SGCD: variants seen among roughly 807,000 people sequenced by gnomAD.
The protein encoded by SGCD is delta-sarcoglycan.
SGCD carries 18 observed loss-of-function variants against 36.6 expected under a neutral mutation model. The ratio of observed to expected loss-of-function variants is 0.49; its 90% CI spans 0.34 to 0.73. The LOEUF (loss-of-function observed/expected upper bound fraction) is 0.73. Among genes scored for constraint, SGCD ranks in the 30% least tolerant of loss-of-function variants. The pLI is 0.01. For synonymous variants in SGCD, 133 were observed against 130.6 expected (o/e 1.02, Z -0.12); for missense variants, 387 against 346.7 (o/e 1.12, Z -0.92).
At chr5:156,058,741 G>C (rs1760127461) in intron 1 of SGCD, among the ~76,000 whole-genome samples, 1 of 146,206 alleles carries the variant, frequency 6.8e-6, no homozygotes, top group Non-Finnish European at 1.5e-5. Flanking sequence ...TTAATGAAAA[G>C]TATATTTGTT....
At chr5:156,384,941 T>C (rs1450764996) in intron 3 of SGCD, among the ~76,000 whole-genome samples, 1 of 152,126 alleles carries the variant, frequency 6.6e-6, no homozygotes, top group Non-Finnish European at 1.5e-5. Flanking sequence ...GACTCAAGGA[T>C]GGACTCAGGC....
the SGCD span, among the ~76,000 whole-genome samples, chr5:155,804,770 T>C: frequency 2.6e-5 from 4 of 152,364 alleles, no homozygotes; most frequent in Admixed American, 2.6e-4. Context: ...GTTGTGCTTT[T>C]ATTCCTCATA....
intron 3 of SGCD, among the ~76,000 whole-genome samples, chr5:156,475,276 A>G (rs1050150927): frequency 6.6e-6 from 1 of 152,098 alleles, no homozygotes; most frequent in African/African-American, 2.4e-5. Flanking sequence ...TGCAGCCACC[A>G]TTATCCCTGA....
chr5:156,125,801 G>A (rs1762155182), intron 3 of SGCD, among the ~76,000 whole-genome samples: 1 of 149,822 alleles, frequency 6.7e-6, no homozygotes, highest in African/African-American at 2.4e-5. Flanking sequence ...CAAAATTGAT[G>A]TATAGTTGTG....
intron 7 of SGCD, among the ~76,000 whole-genome samples, chr5:156,716,805 G>A (rs1442267810): frequency 1.3e-5 from 2 of 152,142 alleles, no homozygotes; most frequent in African/African-American, 2.4e-5. Context: ...GTAAAGGACT[G>A]CTATGTCATT....
At chr5:155,954,304 G>T (rs956222745) in intron 1 of SGCD, among the ~76,000 whole-genome samples, 5 of 152,148 alleles carry the variant, frequency 3.3e-5, no homozygotes, top group Admixed American at 6.6e-5. Flanking sequence ...GCACGCTTTT[G>T]CTTCTTAGGT....
At chr5:156,233,579 G>A (rs1192705688) in intron 3 of SGCD, among the ~76,000 whole-genome samples, 3 of 152,186 alleles carry the variant, frequency 2.0e-5, no homozygotes, top group Middle Eastern at 3.2e-3. Context: ...AATCTGAGGG[G>A]GATGGGAGTT....
chr5:156,632,038 T>C (rs1173582449), intron 6 of SGCD, among the ~76,000 whole-genome samples: 1 of 152,210 alleles, frequency 6.6e-6, no homozygotes, highest in Non-Finnish European at 1.5e-5. Context: ...TATCAATCAC[T>C]GAGAAGTCTA....
intron 3 of SGCD, chr5:156,393,736 C>CAAACA (rs753189060): frequency 1.4e-4 from 63 of 456,128 alleles, no homozygotes; most frequent in South Asian, 2.2e-4. Flanking sequence ...TGTCTTACTG[C>CAAACA]AATGTTTGAC....
At chr5:155,872,440 T>C (rs572838347) in intron 1 of SGCD, among the ~76,000 whole-genome samples, 2 of 151,778 alleles carry the variant, frequency 1.3e-5, no homozygotes, top group Non-Finnish European at 2.9e-5. Context: ...GCCCCGACAT[T>C]AAATAATATT....
chr5:156,619,215 T>C (rs976866925), intron 6 of SGCD, among the ~76,000 whole-genome samples: 1 of 152,068 alleles, frequency 6.6e-6, no homozygotes, highest in Non-Finnish European at 1.5e-5. Flanking sequence ...TCAGTAGAGA[T>C]GGGGTTTCAC....
chr5:156,266,827 A>C (rs556040586), intron 3 of SGCD, among the ~76,000 whole-genome samples: 19 of 151,704 alleles, frequency 1.3e-4, no homozygotes, highest in African/African-American at 4.6e-4. Context: ...AATTGTATTA[A>C]GATGACAGAG....
intron 3 of SGCD, among the ~76,000 whole-genome samples, chr5:156,495,575 T>C (rs895811359): frequency 1.3e-5 from 2 of 152,140 alleles, no homozygotes; most frequent in African/African-American, 2.4e-5. Flanking sequence ...TGGGAGGGAT[T>C]TTCACAGTGT....
At chr5:156,286,137 C>T (rs1241987048) in intron 3 of SGCD, among the ~76,000 whole-genome samples, 8 of 152,140 alleles carry the variant, frequency 5.3e-5, no homozygotes, top group Admixed American at 5.2e-4. Flanking sequence ...CCATCTCACA[C>T]CAGTTAGAAT....
In SGCD at chr5:156,371,538, A is replaced by C. The variant is rs557967055; in HGVS notation, c.192+26861A>C. On this transcript the variant is annotated intron_variant, in intron 3 of 8. Coordinates refer to ENST00000337851, the MANE Select transcript of SGCD (RefSeq NM_000337.6). Reference sequence around the variant, plus strand: ...CAGGCAGGAGAGAAGGAGAGAAAGGACCGAGTGTCAGAAATGTGCCACCCC... The same window carrying C: ...CAGGCAGGAGAGAAGGAGAGAAAGGCCCGAGTGTCAGAAATGTGCCACCCC... Among the ~76,000 whole-genome samples the C allele has an allele frequency of 6.6e-5, 10 of 152,332 alleles. No individual in the cohort carries two copies. In the East Asian group the frequency reaches 1.9e-3, roughly 29 times the overall value.
the SGCD span, among the ~76,000 whole-genome samples, chr5:155,779,181 G>A: frequency 8.5e-5 from 13 of 152,048 alleles, no homozygotes; most frequent in African/African-American, 2.7e-4. Flanking sequence ...ATTTATCCAC[G>A]TGCAGACTCC....
chr5:156,236,024 T>C (rs182270530), intron 3 of SGCD, among the ~76,000 whole-genome samples: 3 of 152,348 alleles, frequency 2.0e-5, no homozygotes, highest in Non-Finnish European at 2.9e-5. Flanking sequence ...AAGATATGCA[T>C]ACTTGTTGAT....
chr5:156,186,709 A>C lies in SGCD; in HGVS notation c.-44+62690A>C, dbSNP rs1397494080. 6.6e-5 allele frequency among the ~76,000 whole-genome samples: 10 copies of C among 152,206 alleles called. No homozygotes were observed. In the East Asian group the frequency reaches 1.9e-3, roughly 29 times the overall value. ...ATATTCTCTGCTGTCCTGTGTCTCC[A>C]AGCTAATCTGAACTTGTCACATCTG... On this transcript the variant is annotated intron_variant, in intron 3 of 9. Coordinates refer to the SGCD transcript ENST00000517913.
At chr5:155,833,253 A>T in the SGCD span, among the ~76,000 whole-genome samples, 2 of 151,952 alleles carry the variant, frequency 1.3e-5, no homozygotes, top group African/African-American at 4.8e-5. Flanking sequence ...AGGTACTGAG[A>T]TCTTCTAAAG....
Sources: gnomAD v4.1 joint callset for allele counts (sites outside exome capture counted in the v4.1 genomes callset) on GRCh38, gnomAD v4.1.1 for gene constraint, MANE v1.5 for transcripts, NCBI Gene and HGNC (gene_info 2026-07-23, HGNC 2026-07-21) for gene names.